The following VPS37A variants were observed in gnomAD, a reference collection of about 807,000 sequenced individuals.
The protein encoded by VPS37A is vacuolar protein sorting-associated protein 37A.
VPS37A carries 30 observed loss-of-function variants against 49.8 expected under a neutral mutation model. The observed-to-expected ratio is 0.60, with a 90% confidence interval of 0.45 to 0.82. The LOEUF is 0.82. Among genes scored for constraint, VPS37A ranks in the 40% least tolerant of loss-of-function variants. VPS37A has a pLI of 0.00. For synonymous variants in VPS37A, 195 were observed against 160.6 expected (o/e 1.21, Z -1.62); for missense variants, 593 against 464.4 (o/e 1.28, Z -2.55).
At chr8:17,330,422 A>G in the VPS37A span, among the ~76,000 whole-genome samples, 1 of 152,356 alleles carries the variant, frequency 6.6e-6, no homozygotes, top group East Asian at 1.9e-4. Flanking sequence ...CAGAGCCGGA[A>G]GTGGTAGACT....
chr8:17,286,572 T>G (rs1191709060), intron 11 of VPS37A, 145 bp downstream of exon 11: 1 of 621,998 alleles, frequency 1.6e-6, no homozygotes, highest in Non-Finnish European at 2.7e-6. Context: ...ATGCTTTGTA[T>G]TATATAATAA....
chr8:17,278,347 A>G (rs1814719986), intron 6 of VPS37A, among the ~76,000 whole-genome samples: 1 of 152,118 alleles, frequency 6.6e-6, no homozygotes, highest in African/African-American at 2.4e-5. Flanking sequence ...ACCAGAATTT[A>G]TTAACCAGAA....
chr8:17,300,096 A>G, downstream of VPS37A: 1 of 1,614,040 alleles, frequency 6.2e-7, no homozygotes, highest in East Asian at 2.2e-5. Flanking sequence ...TCATATTCCC[A>G]CTGTAATCCT....
At chr8:17,270,810 G>C (rs1454797961) in intron 4 of VPS37A, among the ~76,000 whole-genome samples, 1 of 152,164 alleles carries the variant, frequency 6.6e-6, no homozygotes, top group Non-Finnish European at 1.5e-5. Context: ...AGAACTTGCA[G>C]AGTTCATCAT....
intron 10 of VPS37A, among the ~76,000 whole-genome samples, chr8:17,286,028 G>T (rs1437255712): frequency 6.6e-6 from 1 of 152,126 alleles, no homozygotes; most frequent in African/African-American, 2.4e-5. Context: ...CCTCTGCCCA[G>T]TCGACTGGGC....
chr8:17,311,881 T>C, the VPS37A span: 1 of 494,774 alleles, frequency 2.0e-6, no homozygotes, highest in South Asian at 2.6e-5. Flanking sequence ...AATAAGCGCA[T>C]GTACTTACTA....
At chr8:17,254,088 A>C (rs1014167741) in intron 1 of VPS37A, among the ~76,000 whole-genome samples, 1 of 151,942 alleles carries the variant, frequency 6.6e-6, no homozygotes, top group Non-Finnish European at 1.5e-5. Flanking sequence ...CAATTTGTTG[A>C]ATTTGGTGCA....
rs561878048 is a variant in VPS37A at position 17,274,139 on chromosome 8, A to G, written c.417-594A>G. ...AAATATTTGTTATCTTGCAAAAATA[A>G]ATACTGACTATATTGTTCTGTGATT... On this transcript the variant is annotated intron_variant, in intron 4 of 11. Transcript: ENST00000324849. 1.6e-3 allele frequency among the ~76,000 whole-genome samples: 251 copies of G among 152,380 alleles called. 1 individual carries two copies. The Middle Eastern group carries it at 0.024, about 14-fold the overall frequency.
the VPS37A span, chr8:17,313,480 T>C: frequency 4.5e-6 from 4 of 887,190 alleles, no homozygotes; most frequent in Non-Finnish European, 7.0e-6. Context: ...ATAGGTAGTT[T>C]GTTAATGATT....
At chr8:17,282,312 A>G (rs1815138088) in intron 9 of VPS37A, among the ~76,000 whole-genome samples, 1 of 152,148 alleles carries the variant, frequency 6.6e-6, no homozygotes, top group Non-Finnish European at 1.5e-5. Context: ...ATCCATTTAG[A>G]AAAAGGTTAG....
intron 1 of VPS37A, among the ~76,000 whole-genome samples, chr8:17,261,390 A>G (rs1307719872): frequency 6.6e-6 from 1 of 152,120 alleles, no homozygotes; most frequent in Non-Finnish European, 1.5e-5. Context: ...TATCTTGGAG[A>G]TCACTGAGTT....
chr8:17,291,084 G>C (rs1816102739), intron 11 of VPS37A, among the ~76,000 whole-genome samples: 1 of 152,138 alleles, frequency 6.6e-6, no homozygotes, highest in African/African-American at 2.4e-5. Context: ...TATGATCTTG[G>C]CTCACTGCAG....
At chr8:17,313,895 G>C in the VPS37A span, among the ~76,000 whole-genome samples, 1 of 152,142 alleles carries the variant, frequency 6.6e-6, no homozygotes, top group Non-Finnish European at 1.5e-5. Context: ...AAATGAAAAT[G>C]ATCAAACTCC....
At chr8:17,258,230 C>G (rs1252211300) in intron 1 of VPS37A, among the ~76,000 whole-genome samples, 3 of 152,140 alleles carry the variant, frequency 2.0e-5, no homozygotes, top group African/African-American at 7.2e-5. Flanking sequence ...TATTCTAGAT[C>G]TTAGAGGAAA....
At chr8:17,283,689 A>C (rs746276391) in intron 9 of VPS37A, among the ~76,000 whole-genome samples, 7 of 152,092 alleles carry the variant, frequency 4.6e-5, no homozygotes, top group Admixed American at 6.5e-5. Flanking sequence ...TGGGCTGTCT[A>C]TTCTGTTCCA....
In VPS37A at chr8:17,297,256, TAGA is replaced by T. The variant is rs1451350559; in HGVS notation, c.*2275_*2277del. Reference sequence around the variant, plus strand: ...AGATTTAAAGGTTAATATCTTAAAATAGAAGAAAATTCTAAATCAATCAATCAG... The same window carrying T: ...AGATTTAAAGGTTAATATCTTAAAATAGAAAATTCTAAATCAATCAATCAG... On this transcript the variant is annotated 3_prime_UTR_variant, in exon 12 of 12. Transcript: ENST00000324849. 6.6e-6 allele frequency: 1 copy of T among 152,098 alleles called. No homozygotes were observed. Among genetic ancestry groups the T allele is most frequent in the Non-Finnish European group, 1.5e-5 (1 of 67,972 alleles). 9.4% of individuals were successfully genotyped at this position (152,098 alleles called of 1,614,324 possible).
intron 11 of VPS37A, among the ~76,000 whole-genome samples, chr8:17,293,851 G>T (rs1031324170): frequency 6.6e-6 from 1 of 152,174 alleles, no homozygotes; most frequent in Non-Finnish European, 1.5e-5. Flanking sequence ...CACCTGCAAA[G>T]TGCCAGCCAG....
Position 17,284,478 on chromosome 8 carries a change from T to G in VPS37A, c.975T>G (p.Cys325Trp). ...TGCCTGATTTTCTTTTTCAGAGCTGTAGTGCAAGTGCCCTTCAGGCAAGAT... is the reference window on the plus strand; with the variant it reads ...TGCCTGATTTTCTTTTTCAGAGCTGGAGTGCAAGTGCCCTTCAGGCAAGAT... ...MQRQHELSES[C>W]SASALQARLK... is the part of the protein sequence containing the mutation. The change falls in exon 10 of 12, where the codon TGT (cysteine) becomes TGG (tryptophan). Residue 325 changes from cysteine (C) to tryptophan (W), a missense_variant. Cys to Trp is a radical substitution (Grantham distance 215). Coordinates refer to ENST00000324849, the MANE Select transcript of VPS37A (RefSeq NM_152415.3). 6.3e-7 allele frequency: 1 copy of G among 1,579,628 alleles called. No homozygotes were observed. Among genetic ancestry groups the G allele is most frequent in the Non-Finnish European group, 8.5e-7 (1 of 1,170,138 alleles).
chr8:17,280,397 A>G lies in VPS37A; in HGVS notation c.923A>G (p.Lys308Arg). 13 of 1,609,724 alleles carry G rather than the reference A, an allele frequency of 8.1e-6. No homozygotes were observed. Among genetic ancestry groups the G allele is most frequent in the Non-Finnish European group, 1.1e-5 (13 of 1,178,566 alleles). Residue 308 changes from lysine to arginine, a missense_variant, in exon 9 of 12, where the codon AAG (lysine) becomes AGG (arginine). Coordinates refer to ENST00000324849, the MANE Select transcript of VPS37A (RefSeq NM_152415.3). The stretch of plus-strand genomic sequence containing the variant: ...TAGTATGAATTACTTACACAGATGA[A>G]GTCCACTTTCGAAAAGAAGATGCAA... ...LDKYELLTQM[K>R]STFEKKMQRQ...
Sources: gnomAD v4.1 joint callset for allele counts (sites outside exome capture counted in the v4.1 genomes callset) on GRCh38, gnomAD v4.1.1 for gene constraint, MANE v1.5 for transcripts, NCBI Gene and HGNC (gene_info 2026-07-23, HGNC 2026-07-21) for gene names.